TBX4: variants seen among roughly 807,000 people sequenced by gnomAD.
The protein encoded by TBX4 is T-box transcription factor TBX4.
In TBX4, 13 loss-of-function variants were observed where a neutral mutation model predicts 54.6. That is an observed-to-expected ratio of 0.24 (90% CI 0.15 to 0.38). The LOEUF (loss-of-function observed/expected upper bound fraction) is 0.38. Among genes scored for constraint, TBX4 ranks in the 10% least tolerant of loss-of-function variants. The pLI is 1.00. For synonymous variants in TBX4, 314 were observed against 306.7 expected, an observed-to-expected ratio of 1.02 and a Z score of -0.25; for missense variants, 631 against 728.5, an observed-to-expected ratio of 0.87 and a Z score of 1.54.
At chr17:61,455,904 T>G (rs2060444573) in intron 1 of TBX4, among the ~76,000 whole-genome samples, 1 of 151,990 alleles carries the variant, frequency 6.6e-6, no homozygotes, top group Admixed American at 6.6e-5. Context: ...GTGAAAGCCT[T>G]TGGTTCAGGA....
rs771729163 is a variant in TBX4 at position 61,483,924 on chromosome 17, G to GGAA, written c.*411_*413dup. The GGAA allele has an allele frequency of 1.2e-5, 3 of 259,498 alleles. No homozygotes were observed. The highest frequency in any genetic ancestry group is 9.6e-5 in the East Asian group (1 of 10,372). 16.1% of individuals were successfully genotyped at this position (259,498 alleles called of 1,614,324 possible). On this transcript the variant is annotated 3_prime_UTR_variant, in exon 9 of 9. Transcript: ENST00000644296. This position sits in a 1 kb window ranked among gnomAD's most constrained non-coding sequence, Gnocchi z 6.6. ...GGGAAAGATTCTCACTGCTGGGGTG[G>GGAA]GAAGATTCTCGCTGCTGGGGTGTGA...
chr17:61,453,118 G>C, intron 1 of TBX4: 3 of 511,486 alleles, frequency 5.9e-6, no homozygotes, highest in Non-Finnish European at 7.6e-6. Context: ...ACCAAAGAAA[G>C]GGCTAATCGG....
At chr17:61,473,837 T>C (rs777344840) in intron 5 of TBX4, among the ~76,000 whole-genome samples, 3 of 152,220 alleles carry the variant, frequency 2.0e-5, no homozygotes, top group Non-Finnish European at 2.9e-5. Context: ...GCCTGGCACA[T>C]AAGCTATGCT....
At position 61,476,056 on chromosome 17, in the gene TBX4, C is replaced by T. The variant is rs1242360594; in HGVS notation, c.550-2571C>T. ...GCCCAGATCTTCCCACTCTCAAACCCGACCTTGCACTCACTAGATCCTGTC... is the reference window on the plus strand; with the variant it reads ...GCCCAGATCTTCCCACTCTCAAACCTGACCTTGCACTCACTAGATCCTGTC... On this transcript the variant is annotated intron_variant, in intron 5 of 8. Transcript: ENST00000644296. This position sits in a 1 kb window ranked among gnomAD's most constrained non-coding sequence, Gnocchi z 6.5. 1.3e-5 allele frequency among the ~76,000 whole-genome samples: 2 copies of T among 152,126 alleles called. No homozygotes were observed. The highest frequency in any genetic ancestry group is 6.5e-5 in the Admixed American group (1 of 15,274).
Position 61,478,853 on chromosome 17 carries a change from C to T in TBX4, c.702+74C>T. 2 of 1,610,174 alleles carry T rather than the reference C, an allele frequency of 1.2e-6. No homozygotes were observed. The highest frequency in any genetic ancestry group is 2.2e-5 in the South Asian group (2 of 90,876). On this transcript the variant is annotated intron_variant, in intron 6 of 8. Coordinates refer to ENST00000644296, the MANE Select transcript of TBX4 (RefSeq NM_001321120.2). The surrounding 1 kb of genome is among the most constrained non-coding windows in gnomAD (Gnocchi z 7.4). ...CGTTCTCTTCCACCAGGCAGAGAGGCAGAGTGTGAAGCCAGAGTCCCAGCA... is the reference window on the plus strand; with the variant it reads ...CGTTCTCTTCCACCAGGCAGAGAGGTAGAGTGTGAAGCCAGAGTCCCAGCA...
chr17:61,465,910 C>T lies in TBX4; in HGVS notation c.373C>T (p.His125Tyr). ...LLIDIVPADD[H>Y]RYKFCDNKWM... ...GATTGACATTGTCCCTGCCGATGACCATCGCTACAAGTTCTGTGACAACAA... is the reference window on the plus strand; with the variant it reads ...GATTGACATTGTCCCTGCCGATGACTATCGCTACAAGTTCTGTGACAACAA... The change falls in exon 4 of 9, where the codon CAT becomes TAT. Residue 125 changes from histidine to tyrosine, a missense_variant. Coordinates refer to ENST00000644296, the MANE Select transcript of TBX4 (RefSeq NM_001321120.2). This position sits in a 1 kb window ranked among gnomAD's most constrained non-coding sequence, Gnocchi z 4.9. 6.2e-7 allele frequency: 1 copy of T among 1,614,120 alleles called. No individual in the cohort carries two copies. Among genetic ancestry groups the T allele is most frequent in the South Asian group, 1.1e-5 (1 of 91,066 alleles).
intron 1 of TBX4, among the ~76,000 whole-genome samples, chr17:61,455,726 CGA>C (rs1489799377): frequency 2.0e-5 from 3 of 152,154 alleles, no homozygotes; most frequent in East Asian, 3.8e-4. Flanking sequence ...GGTTCGAACT[CGA>C]GCACCAGGTA....
At position 61,474,522 on chromosome 17, in the gene TBX4, T is replaced by C. The variant is rs1214546652; in HGVS notation, c.550-4105T>C. ...ATGCCCTAATGTTCTGTGATTCCAA[T>C]GTAGATAGATCTGGGCTTTATTGGC... On this transcript the variant is annotated intron_variant, in intron 5 of 8. Coordinates refer to ENST00000644296, the MANE Select transcript of TBX4 (RefSeq NM_001321120.2). This position sits in a 1 kb window ranked among gnomAD's most constrained non-coding sequence, Gnocchi z 4.6. Among the ~76,000 whole-genome samples the C allele has an allele frequency of 6.6e-6, 1 of 152,226 alleles. No homozygotes were observed. The highest frequency in any genetic ancestry group is 1.5e-5 in the Non-Finnish European group (1 of 68,040).
Position 61,459,782 on chromosome 17 carries a change from T to C in TBX4, c.281+2151T>C, listed in dbSNP as rs971078402. Among the ~76,000 whole-genome samples, 3 of 152,190 alleles carry C rather than the reference T, an allele frequency of 2.0e-5. No individual in the cohort carries two copies. The highest frequency in any genetic ancestry group is 7.2e-5 in the African/African-American group (3 of 41,440). ...TGGATCCATCACAGCCTTTCACTTC[T>C]CTGGCAGAAAGTTATCCTTGCACTG... On this transcript the variant is annotated intron_variant, in intron 3 of 8. Transcript: ENST00000644296. This position sits in a 1 kb window ranked among gnomAD's most constrained non-coding sequence, Gnocchi z 4.8.
chr17:61,468,509 C>T (rs1213808835), intron 5 of TBX4, among the ~76,000 whole-genome samples: 11 of 152,104 alleles, frequency 7.2e-5, no homozygotes, highest in Non-Finnish European at 5.9e-5. Flanking sequence ...GTTGGGGTTA[C>T]GAGATGTGCA....
Position 61,460,405 on chromosome 17 carries a change from T to C in TBX4, c.281+2774T>C, listed in dbSNP as rs2060486292. 6.6e-6 allele frequency: 1 copy of C among 152,208 alleles called. No individual in the cohort carries two copies. The highest frequency in any genetic ancestry group is 2.4e-5 in the African/African-American group (1 of 41,456). The allele number at this position is 152,208 out of a possible 1,614,324, so 9.4% of individuals were successfully genotyped here. ...CTTCCTACCTTAGCCCTTTGGGTCCTTGAGAGTCTTGAAGGTTGACAGAGA... is the reference window on the plus strand; with the variant it reads ...CTTCCTACCTTAGCCCTTTGGGTCCCTGAGAGTCTTGAAGGTTGACAGAGA... On this transcript the variant is annotated intron_variant, in intron 3 of 8. Coordinates refer to ENST00000644296, the MANE Select transcript of TBX4 (RefSeq NM_001321120.2). The surrounding 1 kb of genome is among the most constrained non-coding windows in gnomAD (Gnocchi z 4.4).
In TBX4 at chr17:61,483,144, A is replaced by G. The variant is rs1386668398; in HGVS notation, c.1269A>G (p.Ser423=). Residue 423 remains serine, a synonymous_variant, in exon 9 of 9, where the codon TCA becomes TCG. Coordinates refer to ENST00000644296, the MANE Select transcript of TBX4 (RefSeq NM_001321120.2). The surrounding 1 kb of genome is among the most constrained non-coding windows in gnomAD (Gnocchi z 6.6). ...CGCTGAGCTGTAACATGTGGACTTC[A>G]GTGTCGCCGTACACCAGCTATAGCG... ...PPPLSCNMWT[S]VSPYTSYSVQ... The G allele has an allele frequency of 1.2e-6, 2 of 1,613,976 alleles. No individual in the cohort carries two copies. The highest frequency in any genetic ancestry group is 2.7e-5 in the African/African-American group (2 of 74,886).
At chr17:61,470,061 A>AC (rs138022498) in intron 5 of TBX4, among the ~76,000 whole-genome samples, 2,813 of 152,128 alleles carry the variant, frequency 0.018, 83 homozygotes, top group African/African-American at 0.063. Flanking sequence ...GGCAGCCCTC[A>AC]CCCCCAACTC....
At chr17:61,470,005 G>C (rs1469582171) in intron 5 of TBX4, among the ~76,000 whole-genome samples, 1 of 152,198 alleles carries the variant, frequency 6.6e-6, no homozygotes, top group African/African-American at 2.4e-5. Flanking sequence ...GACTTTTCTT[G>C]GGGATCCTCA....
rs2060665130 is a variant in TBX4, at chr17:61,481,793, GTCTC to G, written c.1022-1098_1022-1095del. 1.3e-5 allele frequency: 2 copies of G among 152,278 alleles called. No individual in the cohort carries two copies. Among genetic ancestry groups the G allele is most frequent in the South Asian group, 4.1e-4 (2 of 4,834 alleles). The allele number at this position is 152,278 out of a possible 1,614,324, so 9.4% of individuals were successfully genotyped here. On this transcript the variant is annotated intron_variant, in intron 8 of 8. Coordinates refer to ENST00000644296, the MANE Select transcript of TBX4 (RefSeq NM_001321120.2). The surrounding 1 kb of genome is among the most constrained non-coding windows in gnomAD (Gnocchi z 4.8). ...GTTGTTGTCCTTGTTTTGAGACGGA[GTCTC>G]TCTCTGTCTCCCAGGCTGGAGTGCA...
chr17:61,465,700 C>A lies in TBX4; in HGVS notation c.282-119C>A. ...GCAGGTCACACAGCTGTGACCAATG[C>A]CAGGATCGCTGGCCAAAAGGGCAGC... On this transcript the variant is annotated intron_variant, in intron 3 of 8. Coordinates refer to ENST00000644296, the MANE Select transcript of TBX4 (RefSeq NM_001321120.2). This position sits in a 1 kb window ranked among gnomAD's most constrained non-coding sequence, Gnocchi z 4.9. 1 of 1,356,962 alleles carries A rather than the reference C, an allele frequency of 7.4e-7. No homozygotes were observed. The highest frequency in any genetic ancestry group is 1.0e-6 in the Non-Finnish European group (1 of 961,124). 84.1% of individuals were successfully genotyped at this position (1,356,962 alleles called of 1,614,324 possible). A position where few individuals can be genotyped will look rare whatever the true frequency, so the allele number is the denominator to read the frequency against.
rs988029815 is a variant in TBX4 at position 61,484,947 on chromosome 17, T to TAA, written c.*1432_*1433insAA. The TAA allele has an allele frequency of 4.6e-4, 17 of 37,084 alleles. No individual in the cohort carries two copies. Among genetic ancestry groups the TAA allele is most frequent in the East Asian group, 4.5e-3 (1 of 224 alleles). The allele number at this position is 37,084 out of a possible 1,614,324, so 2.3% of individuals were successfully genotyped here. On this transcript the variant is annotated 3_prime_UTR_variant, in exon 9 of 9. Transcript: ENST00000644296. The surrounding 1 kb of genome is among the most constrained non-coding windows in gnomAD (Gnocchi z 4.1). The stretch of plus-strand genomic sequence containing the variant: ...GGTTTAGATAAAACATATAAATAAA[T>TAA]ATATATATATATATATATATATATA...
Position 61,467,596 on chromosome 17 carries a change from G to C in TBX4, c.488G>C (p.Arg163Pro), listed in dbSNP as rs780227761. The C allele has an allele frequency of 1.2e-6, 2 of 1,614,190 alleles. No individual in the cohort carries two copies. The highest frequency in any genetic ancestry group is 1.7e-6 in the Non-Finnish European group (2 of 1,180,030). Residue 163 changes from arginine to proline, a missense_variant, in exon 5 of 9, where the codon CGG becomes CCG. Physicochemically the swap from Arg to Pro is moderately radical, Grantham distance 103 (BLOSUM62 -2). Coordinates refer to ENST00000644296, the MANE Select transcript of TBX4 (RefSeq NM_001321120.2). ...DSPATGAHWM[R>P]QLVSFQKLKL... ...CCTGCCACAGGAGCCCACTGGATGC[G>C]GCAGCTGGTCTCCTTCCAGAAGCTG...
chr17:61,454,643 G>A (rs1390666881), intron 1 of TBX4, among the ~76,000 whole-genome samples: 1 of 152,260 alleles, frequency 6.6e-6, no homozygotes, highest in African/African-American at 2.4e-5. Flanking sequence ...GGGAGGGAGA[G>A]CACTGAGCAG....
Sources: gnomAD v4.1 joint callset for allele counts (sites outside exome capture counted in the v4.1 genomes callset) on GRCh38, gnomAD v4.1.1 for gene constraint, Gnocchi (gnomAD v3.1) non-coding constraint, MANE v1.5 for transcripts, NCBI Gene and HGNC (gene_info 2026-07-23, HGNC 2026-07-21) for gene names.